HNMT: variants seen among roughly 807,000 people sequenced by gnomAD.
HNMT encodes histamine N-methyltransferase.
HNMT carries 30 observed loss-of-function variants against 32.1 expected under a neutral mutation model. The ratio of observed to expected loss-of-function variants is 0.93; its 90% confidence interval spans 0.70 to 1.27. The LOEUF (loss-of-function observed/expected upper bound fraction) is 1.27. Among genes scored for constraint, HNMT ranks in the 50% most tolerant of loss-of-function variants. The probability of loss-of-function intolerance (pLI) is 0.00; values close to 1 mark genes in which losing one functional copy is unlikely to be tolerated. For missense variants in HNMT, 327 were observed against 346.0 expected (o/e 0.95, Z 0.43); for synonymous variants, 125 against 119.0 (o/e 1.05, Z -0.33).
rs563947250 is a variant in HNMT at position 138,000,375 on chromosome 2, A to C, written c.191-543A>C. Among the ~76,000 whole-genome samples the C allele has an allele frequency of 1.0e-2, 1,518 of 152,236 alleles. 30 individuals are homozygous for C. The highest frequency in any genetic ancestry group is 0.035 in the African/African-American group (1,464 of 41,540). On this transcript the variant is annotated intron_variant, in intron 2 of 5. Transcript: ENST00000280097. ...AGCCAGGGCTATTTCTGTGTCTGTG[A>C]ACAGGTAATAGTGTTTATGAGGGCA...
At chr2:137,970,092 A>G in intron 1 of HNMT, 73 bp from the exon 2 acceptor site, 1 of 776,080 alleles carries the variant, frequency 1.3e-6, no homozygotes, top group Non-Finnish European at 2.2e-6. Flanking sequence ...GTTCTCTTCA[A>G]CTAGACTAGA....
At position 138,010,434 on chromosome 2, in the gene HNMT, G is replaced by GACAC. The variant is rs375739175; in HGVS notation, c.524-3338_524-3335dup. On this transcript the variant is annotated intron_variant, in intron 5 of 5. Transcript: ENST00000280097. ...TAGGAATAAAAGGCTCAATAAAAAA[G>GACAC]ACACACGCACACACACACACACACA... 2.3e-3 allele frequency among the ~76,000 whole-genome samples: 273 copies of GACAC among 117,768 alleles called. 4 individuals are homozygous for GACAC. The East Asian group carries it at 0.035, about 15-fold the overall frequency. 77.3% of individuals were successfully genotyped at this position (117,768 alleles called of 152,430 possible). A position where few individuals can be genotyped will look rare whatever the true frequency, so the allele number is the denominator to read the frequency against.
chr2:137,984,859 G>C (rs1420061729), intron 2 of HNMT, among the ~76,000 whole-genome samples: 1 of 152,086 alleles, frequency 6.6e-6, no homozygotes, highest in East Asian at 1.9e-4. Flanking sequence ...TTGTAGATGA[G>C]CAAATGAGTT....
In HNMT at chr2:137,994,441, A is replaced by G. The variant is rs1573665232; in HGVS notation, c.191-6477A>G. ...TCAAAAAAGACAAGGGCATTACATA[A>G]GGTAAAGGGAACAATTCAACAAGAA... On this transcript the variant is annotated intron_variant, in intron 2 of 5. Coordinates refer to ENST00000280097, the MANE Select transcript of HNMT (RefSeq NM_006895.3). Among the ~76,000 whole-genome samples, 3 of 152,242 alleles carry G rather than the reference A, an allele frequency of 2.0e-5. No individual in the cohort carries two copies. In the East Asian group the frequency reaches 5.8e-4, roughly 29 times the overall value.
intron 5 of HNMT, among the ~76,000 whole-genome samples, chr2:138,010,209 A>G (rs1681451904): frequency 6.6e-6 from 1 of 152,076 alleles, no homozygotes; most frequent in Non-Finnish European, 1.5e-5. Flanking sequence ...CTTTGTAAAG[A>G]CTTTGGCACA....
intron 2 of HNMT, among the ~76,000 whole-genome samples, chr2:137,993,678 A>G (rs1325805805): frequency 6.6e-6 from 1 of 152,192 alleles, no homozygotes; most frequent in Non-Finnish European, 1.5e-5. Context: ...AACAGAGAAC[A>G]TCATTAAGAT....
chr2:137,967,876 C>T (rs1158319296), intron 1 of HNMT, among the ~76,000 whole-genome samples: 1 of 152,190 alleles, frequency 6.6e-6, no homozygotes, highest in Non-Finnish European at 1.5e-5. Flanking sequence ...CCTCTGCTCT[C>T]TCTGCCTCTT....
At chr2:137,979,096 ATATAT>A (rs1248446039) in intron 2 of HNMT, among the ~76,000 whole-genome samples, 1 of 145,770 alleles carries the variant, frequency 6.9e-6, no homozygotes, top group East Asian at 1.9e-4. Context: ...GTATAGTTAT[ATATAT>A]TATGTGTTAT....
rs1181838842 is a variant in HNMT, at chr2:138,002,095, C to A, written c.330C>A (p.Asn110Lys). Residue 110 changes from asparagine to lysine, a missense_variant, in exon 4 of 6, where the codon AAC becomes AAA. Transcript: ENST00000280097. ...TAGCCAAGACATCGAACCTCGAGAA[C>A]GTAAAGTTTGCTTGGCATAAGGAGA... The part of the protein sequence containing the change: ...ELVAKTSNLE[N>K]VKFAWHKETS... 6.3e-7 allele frequency: 1 copy of A among 1,594,204 alleles called. No homozygotes were observed. The highest frequency in any genetic ancestry group is 1.7e-5 in the Admixed American group (1 of 57,584).
chr2:138,002,048 C>G lies in HNMT; in HGVS notation c.299-16C>G. Reference sequence around the variant, plus strand: ...AATTAAAATTGATGGTGTGTCACCTCTTCTCTGTATTTTAGAGCTTGTAGC... The same window carrying G: ...AATTAAAATTGATGGTGTGTCACCTGTTCTCTGTATTTTAGAGCTTGTAGC... On this transcript the variant is annotated splice_polypyrimidine_tract_variant and intron_variant, in intron 3 of 5. Transcript: ENST00000280097. 3 of 1,524,550 alleles carry G rather than the reference C, an allele frequency of 2.0e-6. No individual in the cohort carries two copies. The highest frequency in any genetic ancestry group is 2.6e-6 in the Non-Finnish European group (3 of 1,140,268). The allele number at this position is 1,524,550 out of a possible 1,614,324, so 94.4% of individuals were successfully genotyped here.
At chr2:137,991,134 A>C (rs1003700637) in intron 2 of HNMT, among the ~76,000 whole-genome samples, 2 of 152,226 alleles carry the variant, frequency 1.3e-5, no homozygotes, top group African/African-American at 4.8e-5. Context: ...GAAGAGATGC[A>C]TAGGGTAAGG....
intron 1 of HNMT, 107 bp downstream of exon 1, chr2:137,964,735 G>A: frequency 1.8e-6 from 2 of 1,092,266 alleles, no homozygotes; most frequent in Non-Finnish European, 2.7e-6. Context: ...GGATAAGGGC[G>A]AATTACTGAT....
chr2:138,000,838 C>A (rs1681146188), intron 2 of HNMT, 80 bp from the exon 3 acceptor site: 2 of 697,370 alleles, frequency 2.9e-6, no homozygotes, highest in African/African-American at 1.8e-5. Flanking sequence ...AAAGGTAGGG[C>A]AGATAATAAA....
At position 138,002,088 on chromosome 2, in the gene HNMT, T is replaced by A; in HGVS notation, c.323T>A (p.Leu108His). Residue 108 changes from leucine to histidine, a missense_variant, in exon 4 of 6, where the codon CTC becomes CAC. Leu to His is a moderately conservative substitution (Grantham distance 99). Transcript: ENST00000280097. ...YKELVAKTSN[L>H]ENVKFAWHKE... ...GAGCTTGTAGCCAAGACATCGAACC[T>A]CGAGAACGTAAAGTTTGCTTGGCAT... 6.3e-7 allele frequency: 1 copy of A among 1,595,054 alleles called. No individual in the cohort carries two copies. Among genetic ancestry groups the A allele is most frequent in the Non-Finnish European group, 8.5e-7 (1 of 1,171,676 alleles).
In HNMT at chr2:138,016,355, C is replaced by T. The variant is rs1681664461; in HGVS notation, c.*2225C>T. The stretch of plus-strand genomic sequence containing the variant: ...TAAAGTTATGTGTTGCCAGTGTAAA[C>T]CTTAACTTATTTAGGACTCTTTCAG... On this transcript the variant is annotated 3_prime_UTR_variant, in exon 6 of 6. Coordinates refer to ENST00000280097, the MANE Select transcript of HNMT (RefSeq NM_006895.3). The T allele has an allele frequency of 2.0e-5, 3 of 152,118 alleles. No individual in the cohort carries two copies. In the South Asian group the frequency reaches 6.2e-4, roughly 32 times the overall value. The allele number at this position is 152,118 out of a possible 1,614,324, so 9.4% of individuals were successfully genotyped here.
chr2:137,987,326 C>T (rs1276031678), intron 2 of HNMT, among the ~76,000 whole-genome samples: 1 of 152,160 alleles, frequency 6.6e-6, no homozygotes, highest in African/African-American at 2.4e-5. Flanking sequence ...ATGCCATTTT[C>T]TGGATCTCAA....
At chr2:137,994,965 CAACAAG>C (rs1680944457) in intron 2 of HNMT, among the ~76,000 whole-genome samples, 1 of 152,040 alleles carries the variant, frequency 6.6e-6, no homozygotes, top group Non-Finnish European at 1.5e-5. Flanking sequence ...TCTTTGAAAC[CAACAAG>C]AACAAAGAGA....
At chr2:137,968,352 CAA>C (rs1558949910) in intron 1 of HNMT, among the ~76,000 whole-genome samples, 1 of 152,102 alleles carries the variant, frequency 6.6e-6, no homozygotes, top group Non-Finnish European at 1.5e-5. Flanking sequence ...TTCAAGGATT[CAA>C]AGAGTTAATT....
At chr2:137,982,794 C>A (rs965762687) in intron 2 of HNMT, among the ~76,000 whole-genome samples, 7 of 152,176 alleles carry the variant, frequency 4.6e-5, no homozygotes, top group South Asian at 2.1e-4. Flanking sequence ...ATAACATAAA[C>A]TGCCTAAGTG....
Sources: allele counts gnomAD v4.1 joint callset (sites outside exome capture counted in the v4.1 genomes callset), GRCh38; gene constraint gnomAD v4.1.1; transcripts MANE v1.5; gene names NCBI Gene and HGNC (gene_info 2026-07-23, HGNC 2026-07-21).